The following FARSB variants were observed in gnomAD, a reference collection of about 807,000 sequenced individuals.
FARSB encodes phenylalanine--tRNA ligase beta subunit.
A neutral mutation model predicts 69.6 loss-of-function variants in FARSB; 40 were observed. The observed-to-expected ratio is 0.57, with a 90% confidence interval of 0.45 to 0.75. The LOEUF (loss-of-function observed/expected upper bound fraction) is 0.75. Among genes scored for constraint, FARSB ranks in the 30% least tolerant of loss-of-function variants. The pLI is 0.00. For missense variants in FARSB, 632 were observed against 722.9 expected (o/e 0.87, Z 1.44); for synonymous variants, 235 against 247.2 (o/e 0.95, Z 0.46).
chr2:222,600,460 C>T (rs1182042783), intron 15 of FARSB, among the ~76,000 whole-genome samples: 1 of 152,062 alleles, frequency 6.6e-6, no homozygotes, highest in Non-Finnish European at 1.5e-5. Flanking sequence ...TTCAAAAAGG[C>T]TTTATGTAGA....
chr2:222,633,001 A>C (rs1212880832), intron 7 of FARSB, among the ~76,000 whole-genome samples, 198 bp downstream of exon 7: 1 of 152,228 alleles, frequency 6.6e-6, no homozygotes, highest in African/African-American at 2.4e-5. Context: ...ATGTATGAGC[A>C]TAAGTTACAT....
chr2:222,633,618 G>T (rs1290329860), intron 6 of FARSB, among the ~76,000 whole-genome samples: 1 of 147,608 alleles, frequency 6.8e-6, no homozygotes, highest in Non-Finnish European at 1.5e-5. Flanking sequence ...GGAGGCAGAG[G>T]TTGCGGTGAG....
In FARSB at chr2:222,592,919, C is replaced by T. The variant is rs574992392; in HGVS notation, c.1618+7009G>A. On this transcript the variant is annotated intron_variant, in intron 16 of 16. Transcript: ENST00000281828. ...GATGAAAAACTGAGTAGAGTTGTCC[C>T]TCTCTGACCTCCCCAGGACATGAAT... 3.2e-4 allele frequency among the ~76,000 whole-genome samples: 48 copies of T among 152,010 alleles called. 1 individual carries two copies. The highest frequency in any genetic ancestry group is 5.3e-4 in the Admixed American group (8 of 15,238).
At chr2:222,605,193 C>G (rs111621571) in intron 15 of FARSB, among the ~76,000 whole-genome samples, 3 of 151,852 alleles carry the variant, frequency 2.0e-5, no homozygotes, top group Admixed American at 6.6e-5. Context: ...CTCTCTCTCT[C>G]TGTGTCTCCC....
At chr2:222,580,453 G>A (rs1283328736) in intron 16 of FARSB, among the ~76,000 whole-genome samples, 2 of 151,280 alleles carry the variant, frequency 1.3e-5, no homozygotes, top group African/African-American at 2.4e-5. Flanking sequence ...TTGAGACCAG[G>A]TGTTCAAAAC....
At chr2:222,649,753 TAATAA>T (rs929533528) in intron 1 of FARSB, among the ~76,000 whole-genome samples, 2 of 152,352 alleles carry the variant, frequency 1.3e-5, no homozygotes, top group South Asian at 2.1e-4. Flanking sequence ...TATTAGCAAT[TAATAA>T]AATAAGTTCT....
chr2:222,619,683 C>G lies in FARSB; in HGVS notation c.1306G>C (p.Ala436Pro). ...KLGVDISATKAVHISNPKTAE... is the reference protein window; with the variant it reads ...KLGVDISATKPVHISNPKTAE... Reference sequence around the variant, plus strand: ...GTTTTAGGATTACTTATGTGGACTGCCTTTGTTGCAGAGATATCCACACCT... The same window carrying G: ...GTTTTAGGATTACTTATGTGGACTGGCTTTGTTGCAGAGATATCCACACCT... The change falls in exon 14 of 17, where the codon GCA (alanine) becomes CCA (proline). Residue 436 changes from alanine to proline, a missense_variant. Coordinates refer to ENST00000281828, the MANE Select transcript of FARSB (RefSeq NM_005687.5). 6.2e-7 allele frequency: 1 copy of G among 1,607,532 alleles called. No homozygotes were observed. The highest frequency in any genetic ancestry group is 8.5e-7 in the Non-Finnish European group (1 of 1,174,646).
Position 222,639,606 on chromosome 2 carries a change from C to A in FARSB, c.429G>T (p.Gln143His). Reference protein sequence around the residue: ...KDRYDSFIELQEKLHQNICRK... With the variant: ...KDRYDSFIELHEKLHQNICRK... The stretch of plus-strand genomic sequence containing the variant: ...TGCAAATATTCTGATGTAATTTCTC[C>A]TGAAGTTCAATGAAGCTGTCATATC... The change falls in exon 5 of 17, where the codon CAG becomes CAT. Residue 143 changes from glutamine (Q) to histidine (H), a missense_variant. Coordinates refer to ENST00000281828, the MANE Select transcript of FARSB (RefSeq NM_005687.5). 1 of 1,580,722 alleles carries A rather than the reference C, an allele frequency of 6.3e-7. No individual in the cohort carries two copies. The highest frequency in any genetic ancestry group is 8.6e-7 in the Non-Finnish European group (1 of 1,157,668).
intron 16 of FARSB, among the ~76,000 whole-genome samples, chr2:222,592,211 T>C (rs1690291955): frequency 6.6e-6 from 1 of 152,180 alleles, no homozygotes; most frequent in Non-Finnish European, 1.5e-5. Context: ...AAGGCCTTTA[T>C]TTTTTGTGGT....
intron 13 of FARSB, 69 bp from the exon 14 acceptor site, chr2:222,619,806 C>T: frequency 2.3e-6 from 2 of 859,762 alleles, no homozygotes; most frequent in Admixed American, 4.0e-5. Context: ...AAAAGTAATG[C>T]TGTAAGTCAA....
At position 222,656,060 on chromosome 2, in the gene FARSB, C is replaced by T; in HGVS notation, c.14G>A (p.Ser5Asn). 1.9e-6 allele frequency: 3 copies of T among 1,596,692 alleles called. No homozygotes were observed. The highest frequency in any genetic ancestry group is 2.3e-5 in the South Asian group (2 of 88,656). MPTV[S>N]VKRDLLFQAL... The stretch of plus-strand genomic sequence containing the variant: ...TTGGAAGAGCAGATCACGCTTCACG[C>T]TGACAGTCGGCATGGTGTGTCGAAC... Residue 5 changes from serine to asparagine, a missense_variant, in exon 1 of 17, where the codon AGC (serine) becomes AAC (asparagine). By Grantham distance (46) the Ser-to-Asn change is conservative. Transcript: ENST00000281828.
At chr2:222,606,141 T>G (rs1229146875) in intron 15 of FARSB, among the ~76,000 whole-genome samples, 2 of 152,134 alleles carry the variant, frequency 1.3e-5, no homozygotes, top group Non-Finnish European at 2.9e-5. Flanking sequence ...CCCTCCCAAC[T>G]CCACACTGAT....
chr2:222,600,345 A>T (rs1487950200), intron 15 of FARSB, among the ~76,000 whole-genome samples: 1 of 152,182 alleles, frequency 6.6e-6, no homozygotes, highest in Non-Finnish European at 1.5e-5. Flanking sequence ...CTGAGGTATA[A>T]GTTGGTAAAA....
intron 1 of FARSB, among the ~76,000 whole-genome samples, chr2:222,650,573 A>C (rs936901222): frequency 6.6e-6 from 1 of 152,184 alleles, no homozygotes; most frequent in Non-Finnish European, 1.5e-5. Context: ...TGACTCCCCG[A>C]TCTCTGGTTT....
At chr2:222,655,971 C>T in intron 1 of FARSB, 45 bp downstream of exon 1, 4 of 1,480,144 alleles carry the variant, frequency 2.7e-6, no homozygotes, top group African/African-American at 1.4e-5. Context: ...GAGGCCCTGC[C>T]TCCGAGAAGA....
intron 16 of FARSB, among the ~76,000 whole-genome samples, chr2:222,589,367 A>G (rs1412647654): frequency 6.6e-6 from 1 of 152,186 alleles, no homozygotes; most frequent in Non-Finnish European, 1.5e-5. Context: ...TTAATTCAAG[A>G]TGGATTAAAG....
At chr2:222,652,575 T>C (rs1470575674) in intron 1 of FARSB, among the ~76,000 whole-genome samples, 1 of 152,210 alleles carries the variant, frequency 6.6e-6, no homozygotes, top group Non-Finnish European at 1.5e-5. Flanking sequence ...TAAGTAGTCC[T>C]ATGGAGAGGA....
At chr2:222,586,206 C>T (rs1690108663) in intron 16 of FARSB, among the ~76,000 whole-genome samples, 1 of 152,186 alleles carries the variant, frequency 6.6e-6, no homozygotes, top group Admixed American at 6.5e-5. Context: ...GGCAAATATT[C>T]AACATTCTTA....
intron 15 of FARSB, among the ~76,000 whole-genome samples, chr2:222,606,646 T>A (rs1445598776): frequency 6.6e-6 from 1 of 152,222 alleles, no homozygotes; most frequent in African/African-American, 2.4e-5. Context: ...CGCCAAATGA[T>A]TTTTTAACAG....
Sources: gnomAD v4.1 joint callset for allele counts (sites outside exome capture counted in the v4.1 genomes callset) on GRCh38, gnomAD v4.1.1 for gene constraint, MANE v1.5 for transcripts, NCBI Gene and HGNC (gene_info 2026-07-23, HGNC 2026-07-21) for gene names.